Variants in PTPN14 observed in about 807,000 individuals in gnomAD.
PTPN14 encodes the protein tyrosine-protein phosphatase non-receptor type 14.
Under a neutral mutation model 126.8 loss-of-function variants are expected in PTPN14, and 53 were observed. The ratio of observed to expected loss-of-function variants is 0.42; its 90% CI spans 0.34 to 0.53. PTPN14 has a LOEUF of 0.53. Among genes scored for constraint, PTPN14 ranks in the 20% least tolerant of loss-of-function variants. PTPN14 has a pLI of 0.08. For synonymous variants in PTPN14, 630 were observed against 599.3 expected, an observed-to-expected ratio of 1.05 and a Z score of -0.75; for missense variants, 1,257 against 1,552.9, an observed-to-expected ratio of 0.81 and a Z score of 3.20.
At chr1:214,518,512 T>C (rs889787680) in intron 1 of PTPN14, among the ~76,000 whole-genome samples, 5 of 152,242 alleles carry the variant, frequency 3.3e-5, no homozygotes, top group African/African-American at 4.8e-5. Context: ...CTGTGGTAGA[T>C]GATCTATTTC....
At chr1:214,533,168 A>G in intron 1 of PTPN14, 1 of 758,540 alleles carries the variant, frequency 1.3e-6, no homozygotes, top group Non-Finnish European at 2.3e-6. Context: ...GAGGTCCGCT[A>G]CACCCTGCAG....
chr1:214,494,216 G>C (rs576359536), intron 1 of PTPN14, among the ~76,000 whole-genome samples: 2 of 152,026 alleles, frequency 1.3e-5, no homozygotes, highest in East Asian at 3.9e-4. Flanking sequence ...GACTACAGGC[G>C]CCCAGCTAAT....
intron 1 of PTPN14, among the ~76,000 whole-genome samples, chr1:214,465,634 A>T (rs943374940): frequency 6.6e-6 from 1 of 152,058 alleles, no homozygotes; most frequent in Non-Finnish European, 1.5e-5. Context: ...AAAAAAATTA[A>T]ATTAAATTAA....
At chr1:214,532,449 C>CA in intron 1 of PTPN14, 1 of 804,434 alleles carries the variant, frequency 1.2e-6, no homozygotes, top group Non-Finnish European at 2.2e-6. Context: ...CCTGAAAGAC[C>CA]ACCTGGCCTC....
At chr1:214,539,273 A>AT (rs982791916) in intron 1 of PTPN14, among the ~76,000 whole-genome samples, 11 of 152,164 alleles carry the variant, frequency 7.2e-5, no homozygotes, top group African/African-American at 1.2e-4. Flanking sequence ...CATAACATAG[A>AT]TTTTTTTTAA....
chr1:214,491,815 G>A (rs946260874), intron 1 of PTPN14, among the ~76,000 whole-genome samples: 6 of 152,124 alleles, frequency 3.9e-5, no homozygotes, highest in African/African-American at 1.4e-4. Flanking sequence ...CCCAAGTCTA[G>A]TTCATCTGGG....
In PTPN14 at chr1:214,387,977, G is replaced by A. The variant is rs928568499; in HGVS notation, c.988-1055C>T. On this transcript the variant is annotated intron_variant, in intron 11 of 18. Transcript: ENST00000366956. ...GACCTTCCCCATTGCAGAACCAAGT[G>A]TGCAAAGGGCCCTGTCTACCCACCA... is the stretch of plus-strand genomic sequence containing the variant. 9.2e-5 allele frequency among the ~76,000 whole-genome samples: 14 copies of A among 152,234 alleles called. No individual in the cohort carries two copies. In the South Asian group the frequency reaches 2.5e-3, roughly 27 times the overall value.
intron 2 of PTPN14, among the ~76,000 whole-genome samples, chr1:214,452,994 C>A (rs555356238): frequency 1.3e-5 from 2 of 152,172 alleles, no homozygotes; most frequent in Non-Finnish European, 2.9e-5. Flanking sequence ...TCAATCCCTG[C>A]CACAACCCCA....
Position 214,532,902 on chromosome 1 carries a change from T to G in PTPN14, c.-155+18281A>C, listed in dbSNP as rs887040891. On this transcript the variant is annotated intron_variant, in intron 1 of 18. Transcript: ENST00000366956. The stretch of plus-strand genomic sequence containing the variant: ...CCATGGAGGTTGATGCCCCCAAATC[T>G]CAGGACCTCGCCACGATCATGGCAG... 22 of 1,003,568 alleles carry G rather than the reference T, an allele frequency of 2.2e-5. No homozygotes were observed. The African/African-American group carries it at 3.5e-4, about 16-fold the overall frequency. The allele number at this position is 1,003,568 out of a possible 1,614,324, so 62.2% of individuals were successfully genotyped here.
At chr1:214,523,867 T>TTTTTTA in intron 1 of PTPN14, among the ~76,000 whole-genome samples, 1 of 151,174 alleles carries the variant, frequency 6.6e-6, no homozygotes, top group African/African-American at 2.4e-5. Context: ...TTTTTTTTTT[T>TTTTTTA]GAGATAGAGT....
In PTPN14 at chr1:214,364,650, G is replaced by T. The variant is rs1658033293; in HGVS notation, c.3297C>A (p.Val1099=). Residue 1099 remains valine, a synonymous_variant, in exon 18 of 19, where the codon GTC becomes GTA. Transcript: ENST00000366956. This position sits in a 1 kb window ranked among gnomAD's most constrained non-coding sequence, Gnocchi z 4.1. The part of the protein sequence containing the change: ...FLSYLEEIQS[V]RRHTNSMLEG... ...CCAGCATGCTGTTGGTATGGCGACG[G>T]ACCGACTGGATCTCCTCCAAGTAGG... 1.2e-6 allele frequency: 2 copies of T among 1,613,716 alleles called. No individual in the cohort carries two copies. Among genetic ancestry groups the T allele is most frequent in the Non-Finnish European group, 1.7e-6 (2 of 1,179,958 alleles).
chr1:214,362,163 G>T lies in PTPN14; in HGVS notation c.3435+2349C>A, dbSNP rs371345543. Among the ~76,000 whole-genome samples, 14 of 152,188 alleles carry T rather than the reference G, an allele frequency of 9.2e-5. No homozygotes were observed. The East Asian group carries it at 2.5e-3, about 27-fold the overall frequency. ...ATGGTCTACTCTTCTCCTGAAATAG[G>T]GGCTTGGATCTTACTAGCCAGGCCT... On this transcript the variant is annotated intron_variant, in intron 18 of 18. Transcript: ENST00000366956.
rs891698660 is a variant in PTPN14, at chr1:214,372,573, T to C, written c.3036+138A>G. On this transcript the variant is annotated intron_variant, in intron 16 of 18. Transcript: ENST00000366956. ...ATCTGGAAGTAAGAAAACAGATGTA[T>C]ACCAAAGAGAAAAGCATGTGCAGAG... 112 of 1,253,210 alleles carry C rather than the reference T, an allele frequency of 8.9e-5. No homozygotes were observed. The Middle Eastern group carries it at 1.9e-3, about 21-fold the overall frequency. The allele number at this position is 1,253,210 out of a possible 1,614,324, so 77.6% of individuals were successfully genotyped here. A position where few individuals can be genotyped will look rare whatever the true frequency, so the allele number is the denominator to read the frequency against.
At chr1:214,549,938 C>T (rs1197796552) in intron 1 of PTPN14, among the ~76,000 whole-genome samples, 2 of 152,204 alleles carry the variant, frequency 1.3e-5, no homozygotes, top group Non-Finnish European at 2.9e-5. Flanking sequence ...GCCATAAATG[C>T]CCCTCAGGCC....
At chr1:214,363,846 G>A (rs530270326) in intron 18 of PTPN14, among the ~76,000 whole-genome samples, 1 of 152,238 alleles carries the variant, frequency 6.6e-6, no homozygotes, top group East Asian at 1.9e-4. Context: ...ACACAAAATT[G>A]AAAGTCTCTC....
chr1:214,516,220 C>T (rs1373794612), intron 1 of PTPN14, among the ~76,000 whole-genome samples: 2 of 152,188 alleles, frequency 1.3e-5, no homozygotes, highest in Non-Finnish European at 2.9e-5. Context: ...CTTCACCCTT[C>T]CTTTTTTCAC....
At chr1:214,523,100 T>C (rs1028129867) in intron 1 of PTPN14, among the ~76,000 whole-genome samples, 1 of 152,202 alleles carries the variant, frequency 6.6e-6, no homozygotes. Context: ...CTATTCATCC[T>C]TGGACAATCC....
At chr1:214,422,690 G>A (rs1659569645) in intron 3 of PTPN14, among the ~76,000 whole-genome samples, 1 of 152,186 alleles carries the variant, frequency 6.6e-6, no homozygotes, top group South Asian at 2.1e-4. Context: ...CTACCAGGCG[G>A]AAATACAGTG....
intron 4 of PTPN14, among the ~76,000 whole-genome samples, chr1:214,412,928 G>T (rs1472819565): frequency 6.6e-6 from 1 of 152,212 alleles, no homozygotes; most frequent in Admixed American, 6.5e-5. Context: ...GGGGTGTAGT[G>T]AATTGATCAT....
Sources: gnomAD v4.1 joint callset for allele counts (sites outside exome capture counted in the v4.1 genomes callset) on GRCh38, gnomAD v4.1.1 for gene constraint, Gnocchi (gnomAD v3.1) non-coding constraint, MANE v1.5 for transcripts, NCBI Gene and HGNC (gene_info 2026-07-23, HGNC 2026-07-21) for gene names.